The following LTBP1 variants were observed in gnomAD, a reference collection of about 807,000 sequenced individuals.
LTBP1 encodes the protein latent-transforming growth factor beta-binding protein 1.
LTBP1 carries 129 observed loss-of-function variants against 207.6 expected under a neutral mutation model. The observed-to-expected ratio is 0.62, with a 90% CI of 0.54 to 0.72. The LOEUF (loss-of-function observed/expected upper bound fraction) is 0.72. Ranked by LOEUF, LTBP1 falls within the 30% of genes least tolerant of loss-of-function variation. LTBP1 has a pLI of 0.00. For missense variants in LTBP1, 2,281 were observed against 2,217.2 expected (o/e 1.03, Z -0.58); for synonymous variants, 963 against 833.7 (o/e 1.16, Z -2.67).
chr2:33,267,106 T>C (rs940425834), intron 15 of LTBP1, among the ~76,000 whole-genome samples: 2 of 152,228 alleles, frequency 1.3e-5, no homozygotes, highest in Admixed American at 6.5e-5. Context: ...TTACTGGCAG[T>C]ATATCTGGTC....
At chr2:33,117,352 C>T (rs1013923744) in intron 4 of LTBP1, among the ~76,000 whole-genome samples, 1 of 152,144 alleles carries the variant, frequency 6.6e-6, no homozygotes, top group Non-Finnish European at 1.5e-5. Context: ...CGGCAAGTCA[C>T]GGAAACATCT....
chr2:33,128,658 C>G (rs2081586165), intron 4 of LTBP1, among the ~76,000 whole-genome samples: 1 of 152,224 alleles, frequency 6.6e-6, no homozygotes, highest in African/African-American at 2.4e-5. Flanking sequence ...GCCCTTCACT[C>G]TCTCTAGTTC....
intron 31 of LTBP1, among the ~76,000 whole-genome samples, chr2:33,376,652 G>T (rs1013730321): frequency 6.6e-6 from 1 of 152,164 alleles, no homozygotes; most frequent in Non-Finnish European, 1.5e-5. Context: ...ACTTTCAAGG[G>T]AATAATAGGA....
At chr2:33,046,525 A>G (rs1164459364) in intron 3 of LTBP1, among the ~76,000 whole-genome samples, 1 of 152,088 alleles carries the variant, frequency 6.6e-6, no homozygotes, top group African/African-American at 2.4e-5. Flanking sequence ...CCAGTATTTT[A>G]TGGAGGATTT....
At chr2:33,374,460 G>A (rs530415088) in intron 31 of LTBP1, among the ~76,000 whole-genome samples, 6 of 152,206 alleles carry the variant, frequency 3.9e-5, no homozygotes, top group South Asian at 2.1e-4. Flanking sequence ...AACAATAACC[G>A]CTAGTCACTT....
In LTBP1 at chr2:33,347,353, G is replaced by C. The variant is rs552518660; in HGVS notation, c.3857-14G>C. 63 of 1,614,062 alleles carry C rather than the reference G, an allele frequency of 3.9e-5. No individual in the cohort carries two copies. In the East Asian group the frequency reaches 1.2e-3, roughly 31 times the overall value. ...GAGGCACACATCTCACTTGGTCTGT[G>C]CTCCCTTTTCCAGATGTGAATGAAT... On this transcript the variant is annotated splice_polypyrimidine_tract_variant and intron_variant, in intron 25 of 33. Transcript: ENST00000404816.
chr2:33,307,492 G>C (rs1182980481), intron 22 of LTBP1, among the ~76,000 whole-genome samples: 6 of 152,116 alleles, frequency 3.9e-5, no homozygotes, highest in African/African-American at 1.2e-4. Flanking sequence ...CAGCAACTTG[G>C]GTGAATCTCA....
intron 24 of LTBP1, among the ~76,000 whole-genome samples, chr2:33,330,216 C>T (rs2094477476): frequency 6.6e-6 from 1 of 152,006 alleles, no homozygotes; most frequent in Non-Finnish European, 1.5e-5. Flanking sequence ...GTACATTGAA[C>T]TTGTATCCAT....
chr2:33,029,241 C>G (rs2075576297), intron 3 of LTBP1, among the ~76,000 whole-genome samples: 2 of 152,138 alleles, frequency 1.3e-5, no homozygotes, highest in Non-Finnish European at 2.9e-5. Flanking sequence ...CTTTGGGAGG[C>G]TGAGGCAGGT....
chr2:32,984,356 G>A (rs1683216784), intron 2 of LTBP1, among the ~76,000 whole-genome samples: 1 of 152,082 alleles, frequency 6.6e-6, no homozygotes, highest in Non-Finnish European at 1.5e-5. Context: ...TCATCACCCA[G>A]CTTGCTAGTA....
chr2:33,322,256 G>A (rs1175165671), intron 24 of LTBP1, among the ~76,000 whole-genome samples: 2 of 152,104 alleles, frequency 1.3e-5, no homozygotes, highest in Non-Finnish European at 2.9e-5. Flanking sequence ...CTGCCAGAAA[G>A]TGAAGTCTGT....
chr2:33,132,108 G>C (rs1181357370), intron 4 of LTBP1, among the ~76,000 whole-genome samples: 1 of 152,182 alleles, frequency 6.6e-6, no homozygotes, highest in African/African-American at 2.4e-5. Flanking sequence ...ATTGTACCAG[G>C]AGCCAGAAAA....
At chr2:33,010,602 C>G (rs1041757221) in intron 2 of LTBP1, among the ~76,000 whole-genome samples, 2 of 152,006 alleles carry the variant, frequency 1.3e-5, no homozygotes, top group African/African-American at 2.4e-5. Flanking sequence ...ATCACACATT[C>G]TCTGCAGGTA....
chr2:33,395,073 A>T (rs1037483995), intron 32 of LTBP1, among the ~76,000 whole-genome samples: 1 of 152,174 alleles, frequency 6.6e-6, no homozygotes, highest in South Asian at 2.1e-4. Context: ...CCCCAAACTT[A>T]TGCCAAATCT....
intron 5 of LTBP1, among the ~76,000 whole-genome samples, chr2:33,173,522 C>A (rs1369775941): frequency 1.3e-5 from 2 of 152,090 alleles, no homozygotes; most frequent in African/African-American, 2.4e-5. Flanking sequence ...ACTAGCTTAC[C>A]AACCAAAAAG....
chr2:33,191,111 T>G (rs980146773), intron 7 of LTBP1, among the ~76,000 whole-genome samples: 13 of 152,192 alleles, frequency 8.5e-5, no homozygotes, highest in Admixed American at 7.8e-4. Context: ...AGCAGATCTT[T>G]TTAAAATTGT....
At chr2:33,243,540 C>A in intron 9 of LTBP1, 122 bp from the exon 10 acceptor site, 1 of 824,810 alleles carries the variant, frequency 1.2e-6, no homozygotes, top group Non-Finnish European at 1.9e-6. Context: ...ACACCTGCTA[C>A]ATCCTTTTTT....
At chr2:33,127,049 A>G (rs1053095458) in intron 4 of LTBP1, among the ~76,000 whole-genome samples, 1 of 152,308 alleles carries the variant, frequency 6.6e-6, no homozygotes, top group Admixed American at 6.5e-5. Flanking sequence ...TTAAAATATA[A>G]TGCATTCAAG....
chr2:33,092,252 C>G (rs1464445858), intron 3 of LTBP1, among the ~76,000 whole-genome samples: 1 of 152,214 alleles, frequency 6.6e-6, no homozygotes, highest in East Asian at 1.9e-4. Flanking sequence ...AGAGACCCTG[C>G]TCACTCAGAT....
Sources: gnomAD v4.1 joint callset for allele counts (sites outside exome capture counted in the v4.1 genomes callset) on GRCh38, gnomAD v4.1.1 for gene constraint, MANE v1.5 for transcripts, NCBI Gene and HGNC (gene_info 2026-07-23, HGNC 2026-07-21) for gene names.